MEF2C: variants seen among roughly 807,000 people sequenced by gnomAD.
The protein encoded by MEF2C is myocyte enhancer factor 2C.
MEF2C carries 6 observed loss-of-function variants against 50.5 expected under a neutral mutation model. The ratio of observed to expected loss-of-function variants is 0.12; its 90% confidence interval spans 0.07 to 0.23. The LOEUF (loss-of-function observed/expected upper bound fraction) is 0.23. MEF2C is among the 10% of genes least tolerant of loss of function. The pLI is 1.00. For missense variants in MEF2C, 276 were observed against 605.0 expected (o/e 0.46, Z 5.70); for synonymous variants, 183 against 228.0 (o/e 0.80, Z 1.78).
At chr5:88,895,776 C>T (rs1198265090) in intron 1 of MEF2C, among the ~76,000 whole-genome samples, 1 of 151,658 alleles carries the variant, frequency 6.6e-6, no homozygotes, top group Admixed American at 6.6e-5. Context: ...ACTGATGCGA[C>T]CTACAAAGTC....
At chr5:88,890,825 A>AT (rs895686321) in intron 1 of MEF2C, among the ~76,000 whole-genome samples, 3 of 152,090 alleles carry the variant, frequency 2.0e-5, no homozygotes, top group African/African-American at 7.2e-5. Context: ...CAGACACCTA[A>AT]TTTTTTTATA....
chr5:88,754,174 G>A (rs1406949782), intron 4 of MEF2C, among the ~76,000 whole-genome samples: 1 of 152,222 alleles, frequency 6.6e-6, no homozygotes, highest in East Asian at 1.9e-4. Flanking sequence ...GAGAGCAGGA[G>A]GGGAGCAAAG....
chr5:88,792,867 GT>G (rs1429239446), intron 3 of MEF2C, among the ~76,000 whole-genome samples: 1 of 152,162 alleles, frequency 6.6e-6, no homozygotes. Flanking sequence ...CATTGGAACT[GT>G]AAAAACATTT....
intron 5 of MEF2C, chr5:88,749,414 G>C: frequency 1.0e-6 from 1 of 984,928 alleles, no homozygotes; most frequent in Non-Finnish European, 1.2e-6. Context: ...TCCCTAAGCA[G>C]ATGTTTTATA....
At position 88,751,399 on chromosome 5, in the gene MEF2C, A is replaced by G. The variant is rs1772667578; in HGVS notation, c.589+458T>C. On this transcript the variant is annotated intron_variant, in intron 5 of 10. Transcript: ENST00000504921. ...CCTTTCTGCCTAAGTCCTTTGTGGG[A>G]TAAGTTACTGTATAAATAAAAAAAA... is the stretch of plus-strand genomic sequence containing the variant. 5 of 985,174 alleles carry G rather than the reference A, an allele frequency of 5.1e-6. No individual in the cohort carries two copies. The South Asian group carries it at 1.9e-4, about 37-fold the overall frequency. The allele number at this position is 985,174 out of a possible 1,614,324, so 61.0% of individuals were successfully genotyped here. A position where few individuals can be genotyped will look rare whatever the true frequency, so the allele number is the denominator to read the frequency against.
intron 6 of MEF2C, chr5:88,733,611 G>C: frequency 4.1e-6 from 4 of 985,374 alleles, no homozygotes; most frequent in Non-Finnish European, 4.8e-6. Context: ...AACATCTTTA[G>C]AAGCAAAATA....
At chr5:88,878,117 A>T (rs1204240520) in intron 1 of MEF2C, 1 of 152,030 alleles carries the variant, frequency 6.6e-6, no homozygotes, top group East Asian at 1.9e-4. Flanking sequence ...ATCTTAAGTG[A>T]TAGTCAAATA....
chr5:88,749,578 A>G (rs1201651550), intron 5 of MEF2C: 11 of 823,846 alleles, frequency 1.3e-5, no homozygotes, highest in Non-Finnish European at 1.6e-5. Context: ...ATTTACTACT[A>G]AAATCTTATT....
intron 1 of MEF2C, among the ~76,000 whole-genome samples, chr5:88,890,200 C>G (rs1444174000): frequency 1.3e-5 from 2 of 152,196 alleles, no homozygotes; most frequent in African/African-American, 4.8e-5. Context: ...GAAAAAGCCA[C>G]AAAGTAAAGC....
chr5:88,732,222 C>T (rs1308558009), intron 6 of MEF2C, among the ~76,000 whole-genome samples: 1 of 152,172 alleles, frequency 6.6e-6, no homozygotes, highest in African/African-American at 2.4e-5. Context: ...AAGCACAGAA[C>T]TGGTCTTGCA....
intron 6 of MEF2C, chr5:88,744,218 T>C: frequency 1.2e-6 from 1 of 850,752 alleles, no homozygotes; most frequent in Non-Finnish European, 1.4e-6. Flanking sequence ...CAACCGAACT[T>C]GATCTTACCA....
At chr5:88,893,319 C>CTT (rs11368134) in intron 1 of MEF2C, among the ~76,000 whole-genome samples, 41 of 145,916 alleles carry the variant, frequency 2.8e-4, no homozygotes, top group Non-Finnish European at 3.8e-4. Context: ...TCTTTCTTTT[C>CTT]TTTTTTTTTT....
chr5:88,859,223 C>A (rs1179228418), intron 1 of MEF2C, among the ~76,000 whole-genome samples: 2 of 152,054 alleles, frequency 1.3e-5, no homozygotes. Context: ...CTGGATTTTC[C>A]AACATAACTT....
chr5:88,812,808 C>T (rs1803463237), intron 2 of MEF2C, among the ~76,000 whole-genome samples: 1 of 152,080 alleles, frequency 6.6e-6, no homozygotes, highest in Non-Finnish European at 1.5e-5. Flanking sequence ...CAAAGTGCAT[C>T]TTTCTTTCTG....
At position 88,749,124 on chromosome 5, in the gene MEF2C, AT is replaced by A. The variant is rs1403725735; in HGVS notation, c.590-8del. The A allele has an allele frequency of 1.3e-6, 2 of 1,562,870 alleles. No homozygotes were observed. The highest frequency in any genetic ancestry group is 8.7e-7 in the Non-Finnish European group (1 of 1,154,426). ...TCTCCACCCATCAGACCACCTATGG[AT>A]TAAAGAGGAAGATCAAAACGAGAAA... On this transcript the variant is annotated splice_region_variant and splice_polypyrimidine_tract_variant and intron_variant, in intron 5 of 10. Transcript: ENST00000504921.
At chr5:88,813,597 A>G (rs192744610) in intron 2 of MEF2C, among the ~76,000 whole-genome samples, 66 of 152,180 alleles carry the variant, frequency 4.3e-4, no homozygotes, top group Non-Finnish European at 3.5e-4. Context: ...ACTCACATCT[A>G]TAATAATAAT....
intron 3 of MEF2C, among the ~76,000 whole-genome samples, chr5:88,792,146 A>T (rs372906045): frequency 6.6e-6 from 1 of 152,174 alleles, no homozygotes; most frequent in East Asian, 1.9e-4. Context: ...TTTACTAATT[A>T]TATAGGTAAA....
intron 3 of MEF2C, chr5:88,785,279 T>TACACACACACACAC (rs57929414): frequency 9.7e-5 from 14 of 143,942 alleles, no homozygotes; most frequent in Non-Finnish European, 3.0e-5. Context: ...AAAACTGGCA[T>TACACACACACACAC]ACACACACAC....
At chr5:88,859,368 AGATCC>A (rs1824683555) in intron 1 of MEF2C, among the ~76,000 whole-genome samples, 1 of 152,228 alleles carries the variant, frequency 6.6e-6, no homozygotes, top group Non-Finnish European at 1.5e-5. Flanking sequence ...TCTTCTGTTA[AGATCC>A]CGCTCAAGTG....
Sources: gnomAD v4.1 joint callset for allele counts (sites outside exome capture counted in the v4.1 genomes callset) on GRCh38, gnomAD v4.1.1 for gene constraint, MANE v1.5 for transcripts, NCBI Gene and HGNC (gene_info 2026-07-23, HGNC 2026-07-21) for gene names.